ANKRD6: variants seen among roughly 807,000 people sequenced by gnomAD.
ANKRD6 encodes ankyrin repeat domain-containing protein 6.
ANKRD6 carries 56 observed loss-of-function variants against 82.3 expected under a neutral mutation model. That is an observed-to-expected ratio of 0.68 (90% confidence interval 0.55 to 0.85). ANKRD6 has a LOEUF of 0.85. Among genes scored for constraint, ANKRD6 ranks in the 40% least tolerant of loss-of-function variants. The probability of loss-of-function intolerance (pLI) is 0.00; values close to 1 mark genes in which losing one functional copy is unlikely to be tolerated. For missense variants in ANKRD6, 852 were observed against 907.6 expected (o/e 0.94, Z 0.79); for synonymous variants, 347 against 352.1 (o/e 0.99, Z 0.16).
intron 1 of ANKRD6, among the ~76,000 whole-genome samples, chr6:89,504,524 T>A (rs1464248164): frequency 6.6e-6 from 1 of 151,922 alleles, no homozygotes; most frequent in African/African-American, 2.4e-5. Flanking sequence ...TGCCTCAACT[T>A]CTTGAGTAGC....
chr6:89,553,775 A>G (rs865972890), intron 1 of ANKRD6, among the ~76,000 whole-genome samples: 7 of 152,178 alleles, frequency 4.6e-5, no homozygotes, highest in Non-Finnish European at 1.0e-4. Context: ...CATCATGCCC[A>G]TATCAAGTGC....
intron 9 of ANKRD6, among the ~76,000 whole-genome samples, chr6:89,620,793 C>T (rs1334784761): frequency 1.3e-5 from 2 of 152,072 alleles, no homozygotes; most frequent in Non-Finnish European, 2.9e-5. Flanking sequence ...AGGCCGGGTG[C>T]GGTGGCTCAT....
intron 1 of ANKRD6, among the ~76,000 whole-genome samples, chr6:89,500,576 C>T (rs1779154162): frequency 6.6e-6 from 1 of 152,194 alleles, no homozygotes; most frequent in Non-Finnish European, 1.5e-5. Context: ...CCAGATGTGT[C>T]TTCTTCAGTA....
chr6:89,528,010 T>C (rs1782713900), intron 1 of ANKRD6, among the ~76,000 whole-genome samples: 1 of 152,146 alleles, frequency 6.6e-6, no homozygotes, highest in Admixed American at 6.5e-5. Flanking sequence ...AAGGTCTCAC[T>C]ATGTTGCCCA....
rs150366435 is a variant in ANKRD6, at chr6:89,631,425, T to A, written c.*421T>A. On this transcript the variant is annotated 3_prime_UTR_variant, in exon 16 of 16. Coordinates refer to ENST00000339746, the MANE Select transcript of ANKRD6 (RefSeq NM_001242809.2). ...TCATTCATATAAATTTGAACACACC[T>A]GCTGTGCCTAGACAAGTGTCTTTCT... is the stretch of plus-strand genomic sequence containing the variant. The A allele has an allele frequency of 1.3e-5, 2 of 155,466 alleles. No individual in the cohort carries two copies. The highest frequency in any genetic ancestry group is 4.8e-5 in the African/African-American group (2 of 41,498). The allele number at this position is 155,466 out of a possible 1,614,324, so 9.6% of individuals were successfully genotyped here. A position where few individuals can be genotyped will look rare whatever the true frequency, so the allele number is the denominator to read the frequency against.
intron 2 of ANKRD6, among the ~76,000 whole-genome samples, chr6:89,580,660 G>A (rs1288409727): frequency 6.6e-6 from 1 of 152,088 alleles, no homozygotes; most frequent in Non-Finnish European, 1.5e-5. Flanking sequence ...ACTTCCACGA[G>A]GGATTTGCGA....
chr6:89,451,559 A>G (rs1459932624), intron 1 of ANKRD6, among the ~76,000 whole-genome samples: 3 of 152,200 alleles, frequency 2.0e-5, no homozygotes, highest in African/African-American at 7.2e-5. Flanking sequence ...GCCCATTTTG[A>G]AGAAAACAGA....
chr6:89,440,309 C>T (rs946744970), intron 1 of ANKRD6, among the ~76,000 whole-genome samples: 3 of 152,184 alleles, frequency 2.0e-5, no homozygotes, highest in African/African-American at 7.2e-5. Flanking sequence ...CAGTCTTTAG[C>T]GATGGCGAAT....
chr6:89,530,019 C>T (rs1214919304), intron 1 of ANKRD6, among the ~76,000 whole-genome samples: 15 of 152,072 alleles, frequency 9.9e-5, no homozygotes, highest in Non-Finnish European at 2.1e-4. Context: ...TTGGGGAGGC[C>T]GAGGTGGGTG....
intron 3 of ANKRD6, among the ~76,000 whole-genome samples, chr6:89,598,995 A>G (rs1053364427): frequency 3.3e-5 from 5 of 152,202 alleles, no homozygotes; most frequent in African/African-American, 1.2e-4. Context: ...TGGTCCAAGC[A>G]TGCTGTCCTA....
chr6:89,622,516 A>T (rs1447869006), intron 10 of ANKRD6, among the ~76,000 whole-genome samples: 1 of 152,214 alleles, frequency 6.6e-6, no homozygotes, highest in Non-Finnish European at 1.5e-5. Flanking sequence ...GGGGACTAAA[A>T]TTTGAGAGCC....
At chr6:89,465,470 G>A (rs1774739791) in intron 1 of ANKRD6, among the ~76,000 whole-genome samples, 2 of 151,936 alleles carry the variant, frequency 1.3e-5, no homozygotes, top group African/African-American at 4.8e-5. Flanking sequence ...TAAGAAATCA[G>A]GCTCTGGAGG....
chr6:89,506,187 A>C (rs2127915210), intron 1 of ANKRD6, among the ~76,000 whole-genome samples: 1 of 152,104 alleles, frequency 6.6e-6, no homozygotes, highest in Non-Finnish European at 1.5e-5. Context: ...TTGCAAGGAG[A>C]GTAGATCTTA....
At chr6:89,559,753 G>A (rs146163183) in intron 1 of ANKRD6, among the ~76,000 whole-genome samples, 10 of 152,272 alleles carry the variant, frequency 6.6e-5, no homozygotes, top group Non-Finnish European at 1.0e-4. Flanking sequence ...CCTCTAGAGT[G>A]ATAATTTTTT....
intron 1 of ANKRD6, among the ~76,000 whole-genome samples, chr6:89,488,968 TCATGACC>T (rs1196412884): frequency 6.6e-6 from 1 of 152,068 alleles, no homozygotes; most frequent in Non-Finnish European, 1.5e-5. Flanking sequence ...TAACTTATTT[TCATGACC>T]CACAAATGGG....
At chr6:89,437,088 G>A (rs1770736120) in intron 1 of ANKRD6, among the ~76,000 whole-genome samples, 1 of 152,158 alleles carries the variant, frequency 6.6e-6, no homozygotes, top group African/African-American at 2.4e-5. Context: ...ATGCTCTTAT[G>A]TATGTTTGAG....
At chr6:89,443,022 T>C (rs981885276) in intron 1 of ANKRD6, among the ~76,000 whole-genome samples, 3 of 152,180 alleles carry the variant, frequency 2.0e-5, no homozygotes, top group Non-Finnish European at 2.9e-5. Flanking sequence ...TTTCAAAATA[T>C]GGCAAAGAAA....
chr6:89,501,289 AT>A (rs1335875570), intron 1 of ANKRD6, among the ~76,000 whole-genome samples: 6 of 152,236 alleles, frequency 3.9e-5, no homozygotes, highest in Admixed American at 6.5e-5. Context: ...ACACATGCTT[AT>A]GAAAAAACAC....
intron 3 of ANKRD6, among the ~76,000 whole-genome samples, chr6:89,601,351 C>G (rs1797112275): frequency 6.6e-6 from 1 of 151,956 alleles, no homozygotes; most frequent in Admixed American, 6.6e-5. Context: ...AGTGTCCTGA[C>G]CCCCCCTCAC....
Sources: gnomAD v4.1 joint callset for allele counts (sites outside exome capture counted in the v4.1 genomes callset) on GRCh38, gnomAD v4.1.1 for gene constraint, MANE v1.5 for transcripts, NCBI Gene and HGNC (gene_info 2026-07-23, HGNC 2026-07-21) for gene names.